The following PTPRD variants were observed in gnomAD, a reference collection of about 807,000 sequenced individuals.
The protein encoded by PTPRD is protein tyrosine phosphatase receptor type D, also known as receptor-type tyrosine-protein phosphatase delta.
PTPRD carries 34 observed loss-of-function variants against 214.5 expected under a neutral mutation model. The observed-to-expected ratio is 0.16, with a 90% CI of 0.12 to 0.21. The LOEUF is 0.21. PTPRD is among the 10% of genes least tolerant of loss of function. PTPRD has a pLI of 1.00. For missense variants in PTPRD, 2,545 were observed against 2,398.7 expected (o/e 1.06, Z -1.27); for synonymous variants, 1,128 against 845.7 (o/e 1.33, Z -5.79).
chr9:9,834,329 A>T (rs2056060438), intron 5 of PTPRD, among the ~76,000 whole-genome samples: 1 of 152,026 alleles, frequency 6.6e-6, no homozygotes, highest in Admixed American at 6.6e-5. Flanking sequence ...ATGCTATGAA[A>T]AAAGAAAAAA....
intron 4 of PTPRD, among the ~76,000 whole-genome samples, chr9:9,992,989 G>C (rs2096000160): frequency 1.3e-5 from 1 of 76,378 alleles, no homozygotes; most frequent in Admixed American, 1.3e-4. Flanking sequence ...GAATTTCAAA[G>C]TTAAAAAAAA....
intron 35 of PTPRD, among the ~76,000 whole-genome samples, chr9:8,425,192 T>C (rs538794616): frequency 6.6e-6 from 1 of 152,226 alleles, no homozygotes; most frequent in Non-Finnish European, 1.5e-5. Flanking sequence ...CATCAGGCTC[T>C]AGGCAGCCTT....
intron 12 of PTPRD, among the ~76,000 whole-genome samples, chr9:8,705,197 T>C (rs1212268690): frequency 6.6e-6 from 1 of 152,150 alleles, no homozygotes; most frequent in East Asian, 1.9e-4. Flanking sequence ...ATGAGTATGA[T>C]CACTTTCCTA....
At chr9:9,326,369 A>T (rs951866787) in intron 9 of PTPRD, among the ~76,000 whole-genome samples, 1 of 152,164 alleles carries the variant, frequency 6.6e-6, no homozygotes, top group Non-Finnish European at 1.5e-5. Context: ...GTTTGAATGA[A>T]ACAATTAACA....
At chr9:8,766,935 T>A (rs1220047151) in intron 11 of PTPRD, among the ~76,000 whole-genome samples, 1 of 152,144 alleles carries the variant, frequency 6.6e-6, no homozygotes, top group African/African-American at 2.4e-5. Flanking sequence ...AAGGTCATAG[T>A]TTTCAAGAAC....
At chr9:8,941,456 A>C (rs1164386536) in intron 11 of PTPRD, among the ~76,000 whole-genome samples, 1 of 152,144 alleles carries the variant, frequency 6.6e-6, no homozygotes, top group Non-Finnish European at 1.5e-5. Context: ...TTCTCAGAAA[A>C]AGAGCAGTAT....
At chr9:9,891,289 T>C (rs576272824) in intron 5 of PTPRD, among the ~76,000 whole-genome samples, 14 of 152,246 alleles carry the variant, frequency 9.2e-5, no homozygotes, top group Admixed American at 9.2e-4. Context: ...CTCCCAATTA[T>C]TTTAGACTTT....
At chr9:9,469,765 G>A (rs1223920973) in intron 8 of PTPRD, among the ~76,000 whole-genome samples, 2 of 152,092 alleles carry the variant, frequency 1.3e-5, no homozygotes, top group Admixed American at 6.5e-5. Flanking sequence ...CCTAAGGGAA[G>A]TGTCTGTTCT....
chr9:10,087,848 A>T (rs1402463006), intron 3 of PTPRD, among the ~76,000 whole-genome samples: 1 of 151,774 alleles, frequency 6.6e-6, no homozygotes, highest in Non-Finnish European at 1.5e-5. Flanking sequence ...CTAAAAGTGT[A>T]AACTTGTCCT....
chr9:9,690,578 G>A (rs2097252416), intron 7 of PTPRD, among the ~76,000 whole-genome samples: 1 of 151,842 alleles, frequency 6.6e-6, no homozygotes, highest in Non-Finnish European at 1.5e-5. Context: ...TTTCCCCAAA[G>A]TTAGCTTCTA....
At chr9:9,983,724 T>A (rs2095618083) in intron 4 of PTPRD, among the ~76,000 whole-genome samples, 1 of 152,248 alleles carries the variant, frequency 6.6e-6, no homozygotes, top group Non-Finnish European at 1.5e-5. Context: ...ATTTCACAAC[T>A]AATGTGATCA....
chr9:9,399,428 A>G (rs2069256683), intron 8 of PTPRD, among the ~76,000 whole-genome samples: 1 of 152,000 alleles, frequency 6.6e-6, no homozygotes, highest in Admixed American at 6.6e-5. Flanking sequence ...AGTATTTGTG[A>G]TTTAAAGACA....
At chr9:9,939,224 C>T (rs1187715346) in intron 4 of PTPRD, among the ~76,000 whole-genome samples, 1 of 152,124 alleles carries the variant, frequency 6.6e-6, no homozygotes, top group Non-Finnish European at 1.5e-5. Context: ...TTGACGAAAA[C>T]CATAGAGCAG....
intron 2 of PTPRD, among the ~76,000 whole-genome samples, chr9:10,609,384 C>T (rs1317005178): frequency 6.6e-6 from 1 of 152,056 alleles, no homozygotes; most frequent in Non-Finnish European, 1.5e-5. Flanking sequence ...TCTGTTCACT[C>T]ACCACCCTCT....
chr9:8,772,761 A>G (rs2095289645), intron 11 of PTPRD, among the ~76,000 whole-genome samples: 1 of 152,090 alleles, frequency 6.6e-6, no homozygotes, highest in South Asian at 2.1e-4. Flanking sequence ...TCTCATGAGT[A>G]TAACTTTTCT....
At chr9:9,477,785 T>C (rs1254825838) in intron 8 of PTPRD, among the ~76,000 whole-genome samples, 4 of 152,192 alleles carry the variant, frequency 2.6e-5, no homozygotes, top group African/African-American at 9.6e-5. Context: ...AAGGATGCTA[T>C]TAGAACTGTA....
intron 5 of PTPRD, among the ~76,000 whole-genome samples, chr9:9,777,448 C>T (rs1156406547): frequency 6.6e-6 from 1 of 151,954 alleles, no homozygotes; most frequent in Non-Finnish European, 1.5e-5. Flanking sequence ...TAATCCCAGC[C>T]ATTTGGGAGG....
At chr9:8,616,316 G>T (rs1157875837) in intron 14 of PTPRD, among the ~76,000 whole-genome samples, 4 of 152,110 alleles carry the variant, frequency 2.6e-5, no homozygotes, top group African/African-American at 7.2e-5. Context: ...TTGTAACATG[G>T]CAGATGAGCT....
intron 9 of PTPRD, among the ~76,000 whole-genome samples, chr9:9,359,395 T>A (rs2055107179): frequency 6.6e-6 from 1 of 151,320 alleles, no homozygotes; most frequent in Non-Finnish European, 1.5e-5. Context: ...ATTCAATTTC[T>A]ATAAAAATGT....
Sources: gnomAD v4.1 joint callset for allele counts (sites outside exome capture counted in the v4.1 genomes callset) on GRCh38, gnomAD v4.1.1 for gene constraint, MANE v1.5 for transcripts, NCBI Gene and HGNC (gene_info 2026-07-23, HGNC 2026-07-21) for gene names.